SMARCAD1: variants seen among roughly 807,000 people sequenced by gnomAD.
The protein encoded by SMARCAD1 is SWI/SNF-related matrix-associated actin-dependent regulator of chromatin subfamily A containing DEAD/H box 1.
A neutral mutation model predicts 127.1 loss-of-function variants in SMARCAD1; 25 were observed. The ratio of observed to expected loss-of-function variants is 0.20; its 90% CI spans 0.14 to 0.27. SMARCAD1 has a LOEUF of 0.27. SMARCAD1 is among the 10% of genes least tolerant of loss of function. SMARCAD1 has a pLI of 1.00. For synonymous variants in SMARCAD1, 400 were observed against 396.9 expected, an observed-to-expected ratio of 1.01 and a Z score of -0.09; for missense variants, 807 against 1,206.0, an observed-to-expected ratio of 0.67 and a Z score of 4.90.
At chr4:94,277,484 C>T (rs929727653) in intron 16 of SMARCAD1, among the ~76,000 whole-genome samples, 3 of 152,058 alleles carry the variant, frequency 2.0e-5, no homozygotes, top group Non-Finnish European at 2.9e-5. Flanking sequence ...AAATTGGCTA[C>T]GTAAATTAGT....
intron 10 of SMARCAD1, among the ~76,000 whole-genome samples, chr4:94,268,647 G>A (rs1205636268): frequency 1.3e-5 from 2 of 152,076 alleles, no homozygotes; most frequent in Non-Finnish European, 2.9e-5. Context: ...GATCACACCT[G>A]GATTGGATAC....
rs772245260 is a variant in SMARCAD1 at position 94,273,679 on chromosome 4, T to G, written c.1635T>G (p.Asn545Lys). 6.2e-7 allele frequency: 1 copy of G among 1,613,906 alleles called. No individual in the cohort carries two copies. Reference sequence around the variant, plus strand: ...CATACCTCTATCAGGAGGGTAATAATGGTCCTCATTTGATCGTTGTTCCAG... The same window carrying G: ...CATACCTCTATCAGGAGGGTAATAAGGGTCCTCATTTGATCGTTGTTCCAG... ...FLAYLYQEGNNGPHLIVVPAS... is the reference protein window; with the variant it reads ...FLAYLYQEGNKGPHLIVVPAS... The change falls in exon 12 of 24, where the codon AAT becomes AAG. Residue 545 changes from asparagine to lysine, a missense_variant. By Grantham distance (94) the Asn-to-Lys change is moderately conservative (BLOSUM62 0). Coordinates refer to ENST00000354268, the MANE Select transcript of SMARCAD1 (RefSeq NM_020159.5).
At chr4:94,282,265 T>G (rs1044423899) in intron 21 of SMARCAD1, among the ~76,000 whole-genome samples, 15 of 138,954 alleles carry the variant, frequency 1.1e-4, no homozygotes, top group African/African-American at 3.9e-4. Flanking sequence ...CCCGGCTAAT[T>G]TTTTGTATTT....
rs772417263 is a variant in SMARCAD1 at position 94,252,711 on chromosome 4, A to G, written c.985A>G (p.Lys329Glu). 1.3e-5 allele frequency: 20 copies of G among 1,594,694 alleles called. No individual in the cohort carries two copies. Among genetic ancestry groups the G allele is most frequent in the Non-Finnish European group, 1.7e-5 (20 of 1,172,164 alleles). Residue 329 changes from lysine (K) to glutamate (E), a missense_variant, in exon 9 of 24, where the codon AAA (lysine) becomes GAA (glutamate). Coordinates refer to ENST00000354268, the MANE Select transcript of SMARCAD1 (RefSeq NM_020159.5). ...YPKNATKTKL[K>E]QKFSMKAQNG... ...TAAAAATGCAACTAAAACAAAACTAAAACAGAAATTTTCAATGAAAGCACA... is the reference window on the plus strand; with the variant it reads ...TAAAAATGCAACTAAAACAAAACTAGAACAGAAATTTTCAATGAAAGCACA...
rs757158768 is a variant in SMARCAD1 at position 94,281,616 on chromosome 4, A to G, written c.2726+26A>G. On this transcript the variant is annotated intron_variant, in intron 21 of 23. Transcript: ENST00000354268. ...GTTGGTATAATTCATGTTAGTTACA[A>G]AAAAATAACTCATTTATTATTATTG... is the stretch of plus-strand genomic sequence containing the variant. The G allele has an allele frequency of 3.1e-6, 4 of 1,306,742 alleles. No individual in the cohort carries two copies. In the African/African-American group the frequency reaches 5.8e-5, roughly 19 times the overall value. The allele number at this position is 1,306,742 out of a possible 1,614,324, so 80.9% of individuals were successfully genotyped here.
chr4:94,254,271 C>T (rs946674389), intron 9 of SMARCAD1, among the ~76,000 whole-genome samples: 1 of 152,064 alleles, frequency 6.6e-6, no homozygotes. Context: ...AAAGTATTTG[C>T]TGAAGGGCTT....
chr4:94,240,679 T>C (rs1011313842), intron 5 of SMARCAD1, among the ~76,000 whole-genome samples: 1 of 152,198 alleles, frequency 6.6e-6, no homozygotes, highest in African/African-American at 2.4e-5. Context: ...GATTAAATAA[T>C]GTGATGGTTT....
chr4:94,231,975 T>G (rs958796136), intron 3 of SMARCAD1, among the ~76,000 whole-genome samples: 1 of 152,072 alleles, frequency 6.6e-6, no homozygotes, highest in African/African-American at 2.4e-5. Context: ...GATTCTCATG[T>G]CTCAGCCTCC....
intron 5 of SMARCAD1, among the ~76,000 whole-genome samples, chr4:94,238,200 A>G (rs1246768629): frequency 6.6e-6 from 1 of 152,134 alleles, no homozygotes; most frequent in East Asian, 1.9e-4. Flanking sequence ...TTAAACCTTT[A>G]ATTTCCTCCA....
chr4:94,266,346 A>G (rs554805077), intron 10 of SMARCAD1, among the ~76,000 whole-genome samples: 1 of 152,262 alleles, frequency 6.6e-6, no homozygotes, highest in East Asian at 1.9e-4. Flanking sequence ...TGTTACTTGT[A>G]AATAGTTTGA....
At chr4:94,258,441 C>G (rs1454818797) in intron 9 of SMARCAD1, among the ~76,000 whole-genome samples, 1 of 152,106 alleles carries the variant, frequency 6.6e-6, no homozygotes, top group East Asian at 1.9e-4. Flanking sequence ...CTGGGCCTGT[C>G]AGATTTTAGA....
chr4:94,288,991 C>T lies in SMARCAD1; in HGVS notation c.3020-482C>T, dbSNP rs1755354071. ...AATTTAAAGTGGCTAATTTAATCATCAGCTGGTATGCTGTGCTCAGAATGT... is the reference window on the plus strand; with the variant it reads ...AATTTAAAGTGGCTAATTTAATCATTAGCTGGTATGCTGTGCTCAGAATGT... On this transcript the variant is annotated intron_variant, in intron 23 of 23. Coordinates refer to ENST00000354268, the MANE Select transcript of SMARCAD1 (RefSeq NM_020159.5). Among the ~76,000 whole-genome samples, 3 of 152,070 alleles carry T rather than the reference C, an allele frequency of 2.0e-5. No individual in the cohort carries two copies. In the South Asian group the frequency reaches 6.2e-4, roughly 32 times the overall value.
intron 6 of SMARCAD1, among the ~76,000 whole-genome samples, chr4:94,243,346 A>G (rs1747897156): frequency 6.6e-6 from 1 of 152,174 alleles, no homozygotes; most frequent in African/African-American, 2.4e-5. Context: ...TGCACATGCA[A>G]TTTATTTGTG....
At chr4:94,282,916 G>A (rs912898069) in intron 21 of SMARCAD1, among the ~76,000 whole-genome samples, 7 of 152,152 alleles carry the variant, frequency 4.6e-5, no homozygotes, top group African/African-American at 1.7e-4. Context: ...TGAAGTAAGA[G>A]TTGGTAGGGG....
At chr4:94,211,045 GGCTGATCA>G (rs1405832459) in intron 2 of SMARCAD1, among the ~76,000 whole-genome samples, 3 of 152,000 alleles carry the variant, frequency 2.0e-5, no homozygotes, top group Admixed American at 2.0e-4. Flanking sequence ...GGCTGAGGCG[GGCTGATCA>G]GCTGAGGTTG....
In SMARCAD1 at chr4:94,219,393, T is replaced by C. The variant is rs138577616; in HGVS notation, c.191-6726T>C. Among the ~76,000 whole-genome samples the C allele has an allele frequency of 1.8e-3, 268 of 152,302 alleles. 1 individual carries two copies. The highest frequency in any genetic ancestry group is 6.3e-3 in the African/African-American group (263 of 41,566). On this transcript the variant is annotated intron_variant, in intron 2 of 23. Transcript: ENST00000354268. ...ATCTCCCACTAGTGATTTTTTTTGT[T>C]CGAATGAGCCTTAATCTCCTACTAG... is the stretch of plus-strand genomic sequence containing the variant.
chr4:94,284,310 G>A (rs1220501943), intron 22 of SMARCAD1, among the ~76,000 whole-genome samples: 8 of 107,148 alleles, frequency 7.5e-5, no homozygotes, highest in African/African-American at 1.2e-4. Context: ...CTGGGTGACG[G>A]AGCAAGACTC....
In SMARCAD1 at chr4:94,272,972, T is replaced by G. The variant is rs560484759; in HGVS notation, c.1573-645T>G. ...ACAGACATGCGCCACCATGCCTGGC[T>G]AATTTTGTATTTTTGTAGAGATGGA... On this transcript the variant is annotated intron_variant, in intron 11 of 23. Coordinates refer to ENST00000354268, the MANE Select transcript of SMARCAD1 (RefSeq NM_020159.5). Among the ~76,000 whole-genome samples the G allele has an allele frequency of 2.6e-5, 4 of 152,064 alleles. No individual in the cohort carries two copies. In the East Asian group the frequency reaches 7.7e-4, roughly 29 times the overall value.
chr4:94,224,039 CAG>C (rs930514355), intron 2 of SMARCAD1, among the ~76,000 whole-genome samples: 6 of 152,074 alleles, frequency 3.9e-5, no homozygotes, highest in South Asian at 2.1e-4. Context: ...ACTGTAAAAT[CAG>C]AGTCTAAAGT....
Sources: gnomAD v4.1 joint callset for allele counts (sites outside exome capture counted in the v4.1 genomes callset) on GRCh38, gnomAD v4.1.1 for gene constraint, MANE v1.5 for transcripts, NCBI Gene and HGNC (gene_info 2026-07-23, HGNC 2026-07-21) for gene names.